EDN1: variants seen among roughly 807,000 people sequenced by gnomAD.
EDN1 encodes the protein endothelin-1.
In EDN1, 11 loss-of-function variants were observed where a neutral mutation model predicts 21.7. The observed-to-expected ratio is 0.51, with a 90% CI of 0.32 to 0.84. The LOEUF is 0.84. EDN1 is among the 40% of genes least tolerant of loss of function. The pLI is 0.03. For synonymous variants in EDN1, 85 were observed against 90.6 expected, an observed-to-expected ratio of 0.94 and a Z score of 0.35; for missense variants, 244 against 262.3, an observed-to-expected ratio of 0.93 and a Z score of 0.48.
intron 4 of EDN1, 77 bp from the exon 5 acceptor site, chr6:12,295,885 C>A (rs962720979): frequency 1.2e-4 from 170 of 1,475,994 alleles, no homozygotes; most frequent in Non-Finnish European, 1.5e-4. Flanking sequence ...GTGCCAGATT[C>A]TAATTTTACA....
the EDN1 span, among the ~76,000 whole-genome samples, chr6:12,279,945 C>G: frequency 1.1e-4 from 16 of 152,006 alleles, no homozygotes; most frequent in Non-Finnish European, 2.4e-4. Context: ...AAAAGTATAA[C>G]TATAAGCAAT....
the EDN1 span, among the ~76,000 whole-genome samples, chr6:12,243,041 A>C: frequency 6.6e-6 from 1 of 152,146 alleles, no homozygotes; most frequent in Admixed American, 6.5e-5. Context: ...ATAACTTTTG[A>C]TTCCCCAAAA....
upstream of EDN1, among the ~76,000 whole-genome samples, chr6:12,287,688 C>CCTCTCTCT (rs757039157): frequency 2.8e-3 from 315 of 112,588 alleles, no homozygotes; most frequent in East Asian, 4.6e-3. Flanking sequence ...TCTCTCTCTC[C>CCTCTCTCT]CTCTCTCTCT....
chr6:12,289,422 C>T (rs1762620124), upstream of EDN1, among the ~76,000 whole-genome samples: 1 of 152,090 alleles, frequency 6.6e-6, no homozygotes, highest in Non-Finnish European at 1.5e-5. Flanking sequence ...CTTGACCCTC[C>T]TCGGCCCCCA....
At chr6:12,293,861 A>G in intron 2 of EDN1, 80 bp from the exon 3 acceptor site, 10 of 1,517,466 alleles carry the variant, frequency 6.6e-6, no homozygotes, top group Non-Finnish European at 8.1e-6. Context: ...TTGTGTGCCC[A>G]GTGGAATAGG....
rs61701314 is a variant in EDN1, at chr6:12,294,920, C to CTTTTTTTTTTT, written c.533+526_533+536dup. ...ACATGCTGTTTTTCAGGTTTATGGTCTTTTTTTTTTTTTTTTTTTTAAATA... is the reference window on the plus strand; with the variant it reads ...ACATGCTGTTTTTCAGGTTTATGGTCTTTTTTTTTTTTTTTTTTTTTTTTTTTTTTTAAATA... On this transcript the variant is annotated intron_variant, in intron 4 of 4. Coordinates refer to ENST00000379375, the MANE Select transcript of EDN1 (RefSeq NM_001955.5). Among the ~76,000 whole-genome samples, 365 of 107,594 alleles carry CTTTTTTTTTTT rather than the reference C, an allele frequency of 3.4e-3. 23 individuals are homozygous for CTTTTTTTTTTT. The highest frequency in any genetic ancestry group is 0.013 in the African/African-American group (354 of 28,186). 70.6% of individuals were successfully genotyped at this position (107,594 alleles called of 152,430 possible). A position where few individuals can be genotyped will look rare whatever the true frequency, so the allele number is the denominator to read the frequency against.
chr6:12,259,271 T>C, the EDN1 span, among the ~76,000 whole-genome samples: 2 of 151,884 alleles, frequency 1.3e-5, no homozygotes, highest in Non-Finnish European at 2.9e-5. Flanking sequence ...AATATAATGC[T>C]AGGAAACCTA....
intron 1 of EDN1, among the ~76,000 whole-genome samples, chr6:12,291,494 G>A (rs1483294382): frequency 6.6e-6 from 1 of 152,220 alleles, no homozygotes; most frequent in Non-Finnish European, 1.5e-5. Context: ...CCTGACTAAA[G>A]AGAAAGGATG....
At chr6:12,249,840 C>A in the EDN1 span, among the ~76,000 whole-genome samples, 67 of 151,974 alleles carry the variant, frequency 4.4e-4, no homozygotes, top group Non-Finnish European at 7.6e-4. Flanking sequence ...CCTCTCTGAC[C>A]CCCTCAGGGT....
chr6:12,261,840 A>G, the EDN1 span, among the ~76,000 whole-genome samples: 1 of 152,186 alleles, frequency 6.6e-6, no homozygotes, highest in African/African-American at 2.4e-5. Flanking sequence ...GGAAGGGTCA[A>G]AAGGGGAAGG....
At chr6:12,255,903 T>C in the EDN1 span, among the ~76,000 whole-genome samples, 4 of 152,224 alleles carry the variant, frequency 2.6e-5, no homozygotes, top group East Asian at 5.8e-4. Flanking sequence ...TAAAGATATG[T>C]TGGAATGTCT....
the EDN1 span, among the ~76,000 whole-genome samples, chr6:12,233,837 C>T: frequency 8.5e-5 from 13 of 152,198 alleles, no homozygotes; most frequent in South Asian, 2.1e-3. Flanking sequence ...GCTCCTCCTC[C>T]CTGTACTCCT....
chr6:12,253,443 T>C, the EDN1 span, among the ~76,000 whole-genome samples: 1 of 152,066 alleles, frequency 6.6e-6, no homozygotes, highest in African/African-American at 2.4e-5. Context: ...ATACAAAAAA[T>C]GCATAGTATG....
upstream of EDN1, among the ~76,000 whole-genome samples, chr6:12,286,066 C>G (rs1762555620): frequency 6.6e-6 from 1 of 151,974 alleles, no homozygotes. Context: ...GTAAAAGAAA[C>G]AAGTCAGTTA....
chr6:12,255,423 G>A, the EDN1 span, among the ~76,000 whole-genome samples: 169 of 152,252 alleles, frequency 1.1e-3, 1 homozygote, highest in Admixed American at 2.4e-3. Flanking sequence ...AAACACAAAT[G>A]GCATTTATTC....
chr6:12,268,575 C>A, the EDN1 span, among the ~76,000 whole-genome samples: 1 of 152,176 alleles, frequency 6.6e-6, no homozygotes, highest in Non-Finnish European at 1.5e-5. Context: ...AGAGATTGTC[C>A]TTTCCTCAAT....
the EDN1 span, among the ~76,000 whole-genome samples, chr6:12,239,739 T>C: frequency 6.6e-6 from 1 of 151,870 alleles, no homozygotes; most frequent in South Asian, 2.1e-4. Context: ...GGAGACCTGG[T>C]CTCTACAAAA....
chr6:12,259,616 A>G, the EDN1 span, among the ~76,000 whole-genome samples: 1 of 151,920 alleles, frequency 6.6e-6, no homozygotes, highest in Non-Finnish European at 1.5e-5. Flanking sequence ...AATCAAAGTG[A>G]TGGAAAGAAA....
At chr6:12,292,068 G>A (rs866292207) in intron 1 of EDN1, among the ~76,000 whole-genome samples, 4 of 152,186 alleles carry the variant, frequency 2.6e-5, no homozygotes, top group African/African-American at 9.7e-5. Flanking sequence ...CAAGAGGGGT[G>A]GGGGAAGTCC....
Sources: allele counts gnomAD v4.1 joint callset (sites outside exome capture counted in the v4.1 genomes callset), GRCh38; gene constraint gnomAD v4.1.1; transcripts MANE v1.5; gene names NCBI Gene and HGNC (gene_info 2026-07-23, HGNC 2026-07-21).